BIRC6: variants seen among roughly 807,000 people sequenced by gnomAD.
BIRC6 encodes dual E2 ubiquitin-conjugating enzyme/E3 ubiquitin-protein ligase BIRC6.
In BIRC6, 98 loss-of-function variants were observed where a neutral mutation model predicts 503.3. The observed-to-expected ratio is 0.19, with a 90% CI of 0.17 to 0.23. The LOEUF (loss-of-function observed/expected upper bound fraction) is 0.23, where lower values mean the gene tolerates loss of function less well. BIRC6 is among the 10% of genes least tolerant of loss of function. The pLI is 1.00. For synonymous variants in BIRC6, 2,240 were observed against 2,078.7 expected (o/e 1.08, Z -2.11); for missense variants, 5,360 against 5,806.0 (o/e 0.92, Z 2.50).
chr2:32,439,759 AAGT>A, intron 16 of BIRC6, 73 bp downstream of exon 16: 1 of 1,360,060 alleles, frequency 7.4e-7, no homozygotes, highest in Middle Eastern at 1.9e-4. Context: ...ACACTATTAG[AAGT>A]AGTATGACCT....
intron 1 of BIRC6, among the ~76,000 whole-genome samples, chr2:32,359,122 T>C (rs2033651369): frequency 1.3e-5 from 2 of 152,248 alleles, no homozygotes; most frequent in Non-Finnish European, 2.9e-5. Flanking sequence ...TCCTCCCTCT[T>C]CATAAACGTT....
chr2:32,565,647 T>G (rs1296847400), intron 65 of BIRC6: 1 of 152,202 alleles, frequency 6.6e-6, no homozygotes, highest in Non-Finnish European at 1.5e-5. Flanking sequence ...ACATATTAGT[T>G]CATTGTCACA....
At position 32,439,690 on chromosome 2, in the gene BIRC6, T is replaced by C. The variant is rs767427762; in HGVS notation, c.3810+4T>C. 11 of 1,611,510 alleles carry C rather than the reference T, an allele frequency of 6.8e-6. No homozygotes were observed. The highest frequency in any genetic ancestry group is 8.5e-6 in the Non-Finnish European group (10 of 1,178,000). ...GGCTAAAGTTGCAGCAGGCAAGGTA[T>C]GAAACTGTCATTTTGAACAATAACA... is the stretch of plus-strand genomic sequence containing the variant. On this transcript the variant is annotated splice_donor_region_variant and intron_variant, in intron 16 of 73. Coordinates refer to ENST00000421745, the MANE Select transcript of BIRC6 (RefSeq NM_016252.4).
In BIRC6 at chr2:32,405,287, C is replaced by T. The variant is rs548533522; in HGVS notation, c.1419-1212C>T. Among the ~76,000 whole-genome samples the T allele has an allele frequency of 7.2e-5, 11 of 152,260 alleles. No homozygotes were observed. The South Asian group carries it at 2.3e-3, about 32-fold the overall frequency. On this transcript the variant is annotated intron_variant, in intron 8 of 73. Coordinates refer to ENST00000421745, the MANE Select transcript of BIRC6 (RefSeq NM_016252.4). ...CCAGCCAATTAGGCTAATGAATTAG[C>T]AGCTGATTTTAAACTTTTTTTGCAT...
chr2:32,404,259 G>A (rs2040936309), intron 8 of BIRC6, among the ~76,000 whole-genome samples: 1 of 151,768 alleles, frequency 6.6e-6, no homozygotes, highest in Non-Finnish European at 1.5e-5. Flanking sequence ...TTTTATTGAA[G>A]TGTAATTTTC....
chr2:32,418,242 G>T (rs764810963), intron 10 of BIRC6, among the ~76,000 whole-genome samples: 18 of 152,196 alleles, frequency 1.2e-4, no homozygotes, highest in Non-Finnish European at 2.2e-4. Flanking sequence ...TTAAAATTCT[G>T]TGTGGTATCA....
chr2:32,403,242 C>T (rs974492800), intron 8 of BIRC6, among the ~76,000 whole-genome samples: 1 of 152,146 alleles, frequency 6.6e-6, no homozygotes, highest in African/African-American at 2.4e-5. Context: ...GCCACACTAC[C>T]TCTCACTTTA....
chr2:32,517,781 C>T (rs2055215368), intron 55 of BIRC6, among the ~76,000 whole-genome samples: 1 of 152,088 alleles, frequency 6.6e-6, no homozygotes, highest in African/African-American at 2.4e-5. Flanking sequence ...CAGGTTTCAC[C>T]ACGTTGCCTA....
chr2:32,566,299 A>T (rs796929980), intron 65 of BIRC6: 17 of 152,278 alleles, frequency 1.1e-4, no homozygotes, highest in African/African-American at 3.8e-4. Flanking sequence ...GTCTCACTCT[A>T]TGTCCCAGGC....
chr2:32,370,237 G>A (rs1166787932), intron 1 of BIRC6, among the ~76,000 whole-genome samples: 1 of 151,834 alleles, frequency 6.6e-6, no homozygotes, highest in Non-Finnish European at 1.5e-5. Flanking sequence ...TTTAGAGATT[G>A]AGCCCTCTCC....
At position 32,612,466 on chromosome 2, in the gene BIRC6, T is replaced by A. The variant is rs547282144; in HGVS notation, c.14394+884T>A. On this transcript the variant is annotated intron_variant, in intron 73 of 73. Transcript: ENST00000421745. ...TTTCATCCTCCACCAATATCCTCCC[T>A]TTTCTATCTTCAGGTTTTTCCATTT... 7.2e-5 allele frequency among the ~76,000 whole-genome samples: 11 copies of A among 152,220 alleles called. No homozygotes were observed. In the South Asian group the frequency reaches 2.3e-3, roughly 32 times the overall value.
chr2:32,450,154 TA>T (rs1411076946), intron 22 of BIRC6, among the ~76,000 whole-genome samples: 3 of 152,072 alleles, frequency 2.0e-5, no homozygotes, highest in Non-Finnish European at 4.4e-5. Context: ...TGCAAATGAG[TA>T]AAGAAGACTC....
intron 45 of BIRC6, among the ~76,000 whole-genome samples, chr2:32,494,335 C>A (rs1427371546): frequency 5.3e-5 from 8 of 151,702 alleles, no homozygotes; most frequent in Non-Finnish European, 1.0e-4. Flanking sequence ...TGAAGCGATT[C>A]TCATGCCTCA....
intron 71 of BIRC6, among the ~76,000 whole-genome samples, chr2:32,604,231 C>T (rs1172942774): frequency 6.6e-6 from 1 of 152,126 alleles, no homozygotes; most frequent in Non-Finnish European, 1.5e-5. Context: ...ACTGTGATCC[C>T]TATGACTTCA....
chr2:32,467,681 G>A lies in BIRC6; in HGVS notation c.5513G>A (p.Ser1838Asn). 1 of 1,613,800 alleles carries A rather than the reference G, an allele frequency of 6.2e-7. No homozygotes were observed. The highest frequency in any genetic ancestry group is 8.5e-7 in the Non-Finnish European group (1 of 1,179,838). The change falls in exon 27 of 74, where the codon AGC becomes AAC. Residue 1838 changes from serine to asparagine, a missense_variant. By Grantham distance (46) the Ser-to-Asn change is conservative (BLOSUM62 1). Coordinates refer to ENST00000421745, the MANE Select transcript of BIRC6 (RefSeq NM_016252.4). ...CGGTTGGTAGTGGCAACTGATATAA[G>A]CACTCATTCACTAATTCTTCATGAC... ...GRRLVVATDI[S>N]THSLILHDLI... is the part of the protein sequence containing the mutation.
At chr2:32,402,849 T>G (rs2040748363) in intron 8 of BIRC6, among the ~76,000 whole-genome samples, 1 of 152,200 alleles carries the variant, frequency 6.6e-6, no homozygotes, top group African/African-American at 2.4e-5. Flanking sequence ...AGTTTTGTAA[T>G]TTGGGGATTA....
Position 32,431,105 on chromosome 2 carries a change from C to G in BIRC6, c.3248+15C>G. 6.5e-7 allele frequency: 1 copy of G among 1,533,326 alleles called. No individual in the cohort carries two copies. The highest frequency in any genetic ancestry group is 8.9e-7 in the Non-Finnish European group (1 of 1,120,306). 95.0% of individuals were successfully genotyped at this position (1,533,326 alleles called of 1,614,324 possible). ...CAGACCGACAGGTAAAAGATATTCC[C>G]AAGATAATTAATTTTAAGTCCATCT... On this transcript the variant is annotated intron_variant, in intron 12 of 73. Coordinates refer to ENST00000421745, the MANE Select transcript of BIRC6 (RefSeq NM_016252.4).
chr2:32,369,943 AAAAT>A (rs1321470393), intron 1 of BIRC6, among the ~76,000 whole-genome samples: 385 of 32,230 alleles, frequency 0.012, 7 homozygotes, highest in Non-Finnish European at 0.016. Context: ...AAAAAAAAAA[AAAAT>A]ATATATATAT....
Position 32,576,766 on chromosome 2 carries a change from T to C in BIRC6, c.13355+1400T>C, listed in dbSNP as rs1211113079. On this transcript the variant is annotated intron_variant, in intron 66 of 73. Coordinates refer to ENST00000421745, the MANE Select transcript of BIRC6 (RefSeq NM_016252.4). ...TTATCACTTTATTCATTTATTTTAATAGCTTTTGGCATACAAATGGTTTTT... is the reference window on the plus strand; with the variant it reads ...TTATCACTTTATTCATTTATTTTAACAGCTTTTGGCATACAAATGGTTTTT... 4.6e-5 allele frequency among the ~76,000 whole-genome samples: 7 copies of C among 152,314 alleles called. No individual in the cohort carries two copies. The East Asian group carries it at 1.3e-3, about 29-fold the overall frequency.
Sources: allele counts gnomAD v4.1 joint callset (sites outside exome capture counted in the v4.1 genomes callset), GRCh38; gene constraint gnomAD v4.1.1; transcripts MANE v1.5; gene names NCBI Gene and HGNC (gene_info 2026-07-23, HGNC 2026-07-21).